The following OPCML variants were observed in gnomAD, a reference collection of about 807,000 sequenced individuals.
The protein encoded by OPCML is opioid-binding protein/cell adhesion molecule.
A neutral mutation model predicts 37.8 loss-of-function variants in OPCML; 13 were observed. The observed-to-expected ratio is 0.34, with a 90% CI of 0.22 to 0.55. The LOEUF (loss-of-function observed/expected upper bound fraction) is 0.55. Among genes scored for constraint, OPCML ranks in the 20% least tolerant of loss-of-function variants. OPCML has a pLI of 0.91. For missense variants in OPCML, 341 were observed against 435.6 expected, an observed-to-expected ratio of 0.78 and a Z score of 1.93; for synonymous variants, 176 against 168.8, an observed-to-expected ratio of 1.04 and a Z score of -0.33.
At chr11:132,650,545 C>A (rs1444434557) in intron 3 of OPCML, among the ~76,000 whole-genome samples, 1 of 151,968 alleles carries the variant, frequency 6.6e-6, no homozygotes, top group Non-Finnish European at 1.5e-5. Flanking sequence ...GCTTAGAGAC[C>A]CCTTCTCAGA....
intron 1 of OPCML, among the ~76,000 whole-genome samples, chr11:133,484,073 GATAGA>G: frequency 7.4e-6 from 1 of 135,438 alleles, no homozygotes; most frequent in South Asian, 2.2e-4. Flanking sequence ...TAGATAGATA[GATAGA>G]TAGATTCATA....
chr11:132,638,186 T>TATATATATATATATATATAC (rs71067383), intron 3 of OPCML, among the ~76,000 whole-genome samples: 3,156 of 130,224 alleles, frequency 0.024, 81 homozygotes, highest in Non-Finnish European at 0.031. Context: ...TATATATATA[T>TATATATATATATATATATAC]ACAGAGAGAG....
intron 2 of OPCML, among the ~76,000 whole-genome samples, chr11:132,880,218 T>A (rs1943175274): frequency 6.6e-6 from 1 of 152,118 alleles, no homozygotes; most frequent in African/African-American, 2.4e-5. Flanking sequence ...TTAAATAATT[T>A]AAAAAATTAA....
intron 1 of OPCML, among the ~76,000 whole-genome samples, chr11:133,097,085 C>T (rs1949014241): frequency 1.3e-5 from 2 of 152,164 alleles, no homozygotes; most frequent in African/African-American, 2.4e-5. Context: ...TATCCAACAA[C>T]ACATGATCAC....
chr11:133,207,051 G>T (rs1939098109), intron 1 of OPCML, among the ~76,000 whole-genome samples: 2 of 151,516 alleles, frequency 1.3e-5, no homozygotes, highest in South Asian at 4.2e-4. Flanking sequence ...ACTTTGGGAG[G>T]CCGAGGCGGG....
intron 1 of OPCML, among the ~76,000 whole-genome samples, chr11:133,497,756 G>C (rs958328853): frequency 6.6e-6 from 1 of 152,178 alleles, no homozygotes; most frequent in Non-Finnish European, 1.5e-5. Context: ...CCAAAGAGAA[G>C]GAACTCAGCA....
intron 1 of OPCML, among the ~76,000 whole-genome samples, chr11:133,458,305 T>C (rs572450008): frequency 0.058 from 2,153 of 37,168 alleles, 122 homozygotes; most frequent in Non-Finnish European, 0.062. Flanking sequence ...TGTATATATA[T>C]ACACATATAT....
intron 3 of OPCML, among the ~76,000 whole-genome samples, chr11:132,551,155 C>T (rs1427978185): frequency 1.3e-5 from 2 of 152,188 alleles, no homozygotes; most frequent in East Asian, 3.9e-4. Flanking sequence ...ACTTTCAGAA[C>T]CAAGGGCCAC....
rs71905540 is a variant in OPCML at position 132,638,163 on chromosome 11, C to CTATATATATATATATATATATATA, written c.379+18900_379+18923dup. On this transcript the variant is annotated intron_variant, in intron 3 of 7. Coordinates refer to ENST00000524381, the MANE Select transcript of OPCML (RefSeq NM_001012393.5). ...GAAAGCTAAAGAGCATATATACAGACTATATATATATATATATATATATAC... is the reference window on the plus strand; with the variant it reads ...GAAAGCTAAAGAGCATATATACAGACTATATATATATATATATATATATATATATATATATATATATATATATAC... Among the ~76,000 whole-genome samples, 184 of 128,166 alleles carry CTATATATATATATATATATATATA rather than the reference C, an allele frequency of 1.4e-3. 6 individuals are homozygous for CTATATATATATATATATATATATA. The highest frequency in any genetic ancestry group is 2.4e-3 in the Admixed American group (31 of 12,656). The allele number at this position is 128,166 out of a possible 152,430, so 84.1% of individuals were successfully genotyped here.
At chr11:133,015,427 GGAAT>G (rs1348548756) in intron 1 of OPCML, among the ~76,000 whole-genome samples, 1,163 of 103,166 alleles carry the variant, frequency 0.011, 26 homozygotes, top group African/African-American at 0.033. Context: ...AAGGAAGGAA[GGAAT>G]GAAGGAAGGA....
chr11:133,130,592 C>T (rs575456481), intron 1 of OPCML, among the ~76,000 whole-genome samples: 1 of 152,106 alleles, frequency 6.6e-6, no homozygotes, highest in East Asian at 1.9e-4. Context: ...TGACTTAAGA[C>T]TCTAAATTCT....
intron 1 of OPCML, among the ~76,000 whole-genome samples, chr11:133,528,722 G>A (rs947809550): frequency 6.6e-6 from 1 of 152,148 alleles, no homozygotes; most frequent in African/African-American, 2.4e-5. Context: ...CCTGTTTAAG[G>A]TGCAAGAGAT....
intron 1 of OPCML, among the ~76,000 whole-genome samples, chr11:133,058,460 T>C (rs1948280068): frequency 6.6e-6 from 1 of 152,016 alleles, no homozygotes; most frequent in Non-Finnish European, 1.5e-5. Flanking sequence ...CAGCAAGAGC[T>C]CAGATAAATG....
intron 1 of OPCML, among the ~76,000 whole-genome samples, chr11:133,112,458 G>GAAATAAATAA (rs1949271637): frequency 6.6e-6 from 1 of 152,084 alleles, no homozygotes. Flanking sequence ...GCAACATTTA[G>GAAATAAATAA]AAATAAATAA....
intron 4 of OPCML, among the ~76,000 whole-genome samples, chr11:132,443,587 C>A (rs532061754): frequency 6.6e-6 from 1 of 152,202 alleles, no homozygotes; most frequent in Non-Finnish European, 1.5e-5. Context: ...TAGAAACAAG[C>A]CTTTTACCCA....
intron 1 of OPCML, among the ~76,000 whole-genome samples, chr11:133,500,809 G>A (rs745457152): frequency 2.0e-5 from 3 of 152,182 alleles, no homozygotes; most frequent in South Asian, 2.1e-4. Flanking sequence ...AGAAACCTTC[G>A]AATTTTGAGA....
At chr11:132,700,541 C>T (rs962736568) in intron 2 of OPCML, among the ~76,000 whole-genome samples, 1 of 152,032 alleles carries the variant, frequency 6.6e-6, no homozygotes, top group Non-Finnish European at 1.5e-5. Context: ...TTCTTTGACC[C>T]CTCGTGGTTC....
At chr11:132,857,652 AC>A (rs1163135954) in intron 2 of OPCML, among the ~76,000 whole-genome samples, 2 of 152,222 alleles carry the variant, frequency 1.3e-5, no homozygotes, top group Admixed American at 1.3e-4. Flanking sequence ...GTTCTAAGAA[AC>A]ATGCAAAGCT....
At chr11:132,745,590 A>G (rs1945597188) in intron 2 of OPCML, among the ~76,000 whole-genome samples, 1 of 151,282 alleles carries the variant, frequency 6.6e-6, no homozygotes, top group African/African-American at 2.4e-5. Context: ...AAAAGAAAGA[A>G]AGAAAGAAAG....
Sources: allele counts gnomAD v4.1 joint callset (sites outside exome capture counted in the v4.1 genomes callset), GRCh38; gene constraint gnomAD v4.1.1; transcripts MANE v1.5; gene names NCBI Gene and HGNC (gene_info 2026-07-23, HGNC 2026-07-21).